The following CLASP1 variants were observed in gnomAD, a reference collection of about 807,000 sequenced individuals.
CLASP1 encodes the protein cytoplasmic linker associated protein 1.
Under a neutral mutation model 192.3 loss-of-function variants are expected in CLASP1, and 38 were observed. The observed-to-expected ratio is 0.20, with a 90% CI of 0.15 to 0.26. CLASP1 has a LOEUF of 0.26. Among genes scored for constraint, CLASP1 ranks in the 10% least tolerant of loss-of-function variants. The pLI is 1.00. For missense variants in CLASP1, 1,433 were observed against 1,932.5 expected, an observed-to-expected ratio of 0.74 and a Z score of 4.85; for synonymous variants, 691 against 712.8, an observed-to-expected ratio of 0.97 and a Z score of 0.49.
chr2:121,346,841 G>A (rs1391679369), intron 39 of CLASP1, among the ~76,000 whole-genome samples, 197 bp downstream of exon 40: 4 of 152,228 alleles, frequency 2.6e-5, no homozygotes, highest in African/African-American at 4.8e-5. Context: ...ACTATGTTGT[G>A]TAATGTCAGT....
chr2:121,376,804 C>A (rs778311206), intron 34 of CLASP1, among the ~76,000 whole-genome samples: 1 of 152,096 alleles, frequency 6.6e-6, no homozygotes, highest in Non-Finnish European at 1.5e-5. Flanking sequence ...CTCATAGGAG[C>A]GTCAACTCTA....
At chr2:121,535,320 T>C (rs575121737) in intron 2 of CLASP1, among the ~76,000 whole-genome samples, 1 of 152,300 alleles carries the variant, frequency 6.6e-6, no homozygotes, top group African/African-American at 2.4e-5. Context: ...ACCAGTCTTA[T>C]TATGTCTAAG....
chr2:121,582,888 C>T (rs191075933), intron 2 of CLASP1, among the ~76,000 whole-genome samples: 28 of 151,764 alleles, frequency 1.8e-4, no homozygotes, highest in Non-Finnish European at 4.1e-4. Context: ...AGGTTCAAAG[C>T]AATGCTCTTG....
chr2:121,347,050 G>C (rs1486663373), exon 39 of CLASP1: 4 of 1,569,700 alleles, frequency 2.5e-6, no homozygotes, highest in African/African-American at 1.3e-5. Flanking sequence ...TGCTCCCTGT[G>C]AGCTGTGCAA....
At chr2:121,569,445 G>A (rs13392515) in intron 2 of CLASP1, among the ~76,000 whole-genome samples, 2 of 152,214 alleles carry the variant, frequency 1.3e-5, no homozygotes, top group African/African-American at 4.8e-5. Flanking sequence ...CTAGGCCTTC[G>A]GCACAAGGTC....
At chr2:121,554,655 G>A (rs1272575549) in intron 2 of CLASP1, among the ~76,000 whole-genome samples, 1 of 151,940 alleles carries the variant, frequency 6.6e-6, no homozygotes, top group Non-Finnish European at 1.5e-5. Flanking sequence ...CATATTATAT[G>A]TTCCCATTTA....
chr2:121,525,492 T>C (rs1047814541), intron 6 of CLASP1, among the ~76,000 whole-genome samples: 1 of 152,078 alleles, frequency 6.6e-6, no homozygotes, highest in Non-Finnish European at 1.5e-5. Context: ...CAGCAGATTC[T>C]GCACCTCCAC....
chr2:121,377,160 G>A (rs1418440320), intron 34 of CLASP1, among the ~76,000 whole-genome samples: 1 of 151,928 alleles, frequency 6.6e-6, no homozygotes, highest in African/African-American at 2.4e-5. Context: ...AGTACTGTAG[G>A]GTAAATACAG....
intron 8 of CLASP1, among the ~76,000 whole-genome samples, chr2:121,498,012 G>A (rs578241866): frequency 1.8e-4 from 28 of 151,622 alleles, no homozygotes; most frequent in East Asian, 5.8e-4. Flanking sequence ...GGCGCACACC[G>A]CCACGCCCAG....
At chr2:121,526,003 C>A in intron 5 of CLASP1, 83 bp from the exon 6 acceptor site, 1 of 928,482 alleles carries the variant, frequency 1.1e-6, no homozygotes, top group South Asian at 1.4e-5. Flanking sequence ...CTGCCCTTCC[C>A]GTGTCTCCCC....
chr2:121,447,259 T>G, intron 19 of CLASP1, 78 bp downstream of exon 19: 1 of 1,297,136 alleles, frequency 7.7e-7, no homozygotes, highest in Non-Finnish European at 1.1e-6. Flanking sequence ...CAATCATGGG[T>G]TTGTATTTTG....
chr2:121,635,856 G>T (rs1191223491), intron 1 of CLASP1, among the ~76,000 whole-genome samples: 3 of 152,192 alleles, frequency 2.0e-5, no homozygotes, highest in East Asian at 3.8e-4. Flanking sequence ...CCTCTAAAAT[G>T]AGTATATTTC....
At chr2:121,573,182 A>C (rs973673600) in intron 2 of CLASP1, among the ~76,000 whole-genome samples, 1 of 151,192 alleles carries the variant, frequency 6.6e-6, no homozygotes, top group Non-Finnish European at 1.5e-5. Flanking sequence ...CTGGTCTTGA[A>C]CTCCTGACCT....
chr2:121,612,210 G>C (rs867102619), intron 1 of CLASP1, among the ~76,000 whole-genome samples: 1 of 151,138 alleles, frequency 6.6e-6, no homozygotes, highest in Non-Finnish European at 1.5e-5. Flanking sequence ...AGGCAGAAGA[G>C]GAGCTGGAGG....
intron 7 of CLASP1, among the ~76,000 whole-genome samples, chr2:121,511,649 T>C (rs1309970837): frequency 1.3e-5 from 2 of 150,976 alleles, no homozygotes; most frequent in East Asian, 3.9e-4. Context: ...GTGAAAAGTA[T>C]AATTCTTATA....
At position 121,527,909 on chromosome 2, in the gene CLASP1, AG is replaced by A. The variant is rs1445795680; in HGVS notation, c.379-20del. The A allele has an allele frequency of 6.3e-7, 1 of 1,593,462 alleles. No homozygotes were observed. The highest frequency in any genetic ancestry group is 8.6e-7 in the Non-Finnish European group (1 of 1,161,532). ...ATACGTACTGCAGATGACAAAGAACAGGTGAGGAAAGGAGAAGACTGCTGCA... is the reference window on the plus strand; with the variant it reads ...ATACGTACTGCAGATGACAAAGAACAGTGAGGAAAGGAGAAGACTGCTGCA... On this transcript the variant is annotated intron_variant, in intron 4 of 39. Transcript: ENST00000263710.
At chr2:121,641,212 G>A (rs984665502) in intron 1 of CLASP1, among the ~76,000 whole-genome samples, 6 of 151,940 alleles carry the variant, frequency 3.9e-5, no homozygotes, top group African/African-American at 1.2e-4. Context: ...GCTACTGTTC[G>A]TAACAGAGTC....
At chr2:121,458,763 C>A in intron 13 of CLASP1, 77 bp downstream of exon 13, 1 of 1,149,268 alleles carries the variant, frequency 8.7e-7, no homozygotes, top group Non-Finnish European at 1.2e-6. Flanking sequence ...ATTATGTTAA[C>A]AAAAATGCCT....
chr2:121,413,703 A>C (rs1574501591), intron 23 of CLASP1, among the ~76,000 whole-genome samples: 1 of 152,320 alleles, frequency 6.6e-6, no homozygotes, highest in Admixed American at 6.5e-5. Flanking sequence ...CTGTTAACTA[A>C]ATGGTACCTT....
Sources: gnomAD v4.1 joint callset for allele counts (sites outside exome capture counted in the v4.1 genomes callset) on GRCh38, gnomAD v4.1.1 for gene constraint, MANE v1.5 for transcripts, NCBI Gene and HGNC (gene_info 2026-07-23, HGNC 2026-07-21) for gene names.